PHACTR1: variants seen among roughly 807,000 people sequenced by gnomAD.
PHACTR1 encodes phosphatase and actin regulator 1.
A neutral mutation model predicts 69.2 loss-of-function variants in PHACTR1; 16 were observed. The ratio of observed to expected loss-of-function variants is 0.23; its 90% CI spans 0.16 to 0.35. The LOEUF (loss-of-function observed/expected upper bound fraction) is 0.35, where lower values mean the gene tolerates loss of function less well. PHACTR1 is among the 10% of genes least tolerant of loss of function. The pLI is 1.00. For synonymous variants in PHACTR1, 312 were observed against 284.5 expected (o/e 1.10, Z -0.97); for missense variants, 510 against 734.7 (o/e 0.69, Z 3.54).
At chr6:13,114,380 A>G (rs758330905) in intron 5 of PHACTR1, among the ~76,000 whole-genome samples, 12 of 152,180 alleles carry the variant, frequency 7.9e-5, no homozygotes, top group Admixed American at 2.6e-4. Context: ...GGAATAATGG[A>G]TAGTCTCTCC....
intron 5 of PHACTR1, among the ~76,000 whole-genome samples, chr6:13,095,806 T>C (rs1814141412): frequency 7.9e-6 from 1 of 127,344 alleles, no homozygotes; most frequent in Non-Finnish European, 1.6e-5. Flanking sequence ...TAAAGCTTAC[T>C]GGGTAACCTA....
chr6:12,979,827 A>T (rs1443832225), intron 4 of PHACTR1, among the ~76,000 whole-genome samples: 1 of 152,008 alleles, frequency 6.6e-6, no homozygotes, highest in African/African-American at 2.4e-5. Context: ...TCTGGAACAA[A>T]ATCAAACGCT....
At chr6:13,252,430 T>C (rs1774601743) in intron 10 of PHACTR1, among the ~76,000 whole-genome samples, 1 of 152,098 alleles carries the variant, frequency 6.6e-6, no homozygotes, top group Non-Finnish European at 1.5e-5. Flanking sequence ...CCATTTTCCA[T>C]TCTTTTCCTT....
At chr6:12,801,487 C>T (rs772753130) in intron 4 of PHACTR1, among the ~76,000 whole-genome samples, 29 of 152,092 alleles carry the variant, frequency 1.9e-4, no homozygotes, top group Non-Finnish European at 4.0e-4. Context: ...TATAAGGGTT[C>T]ACACATAAGA....
At chr6:13,045,541 C>T (rs1037195315) in intron 4 of PHACTR1, among the ~76,000 whole-genome samples, 1 of 152,216 alleles carries the variant, frequency 6.6e-6, no homozygotes, top group African/African-American at 2.4e-5. Flanking sequence ...GATTCCAAAA[C>T]CAGTAGAGCC....
intron 4 of PHACTR1, among the ~76,000 whole-genome samples, chr6:12,818,170 G>A (rs1173062216): frequency 6.6e-6 from 1 of 152,118 alleles, no homozygotes; most frequent in Non-Finnish European, 1.5e-5. Flanking sequence ...GTTAGTGTTT[G>A]CTACGTAACA....
intron 5 of PHACTR1, among the ~76,000 whole-genome samples, chr6:13,140,360 A>G (rs1276795558): frequency 6.6e-6 from 1 of 152,228 alleles, no homozygotes; most frequent in Non-Finnish European, 1.5e-5. Context: ...ATTGTTCACC[A>G]AAGCCAAGAG....
At chr6:12,913,386 CAGTT>C (rs1378251632) in intron 4 of PHACTR1, among the ~76,000 whole-genome samples, 1 of 152,224 alleles carries the variant, frequency 6.6e-6, no homozygotes, top group African/African-American at 2.4e-5. Context: ...AGCCATATGA[CAGTT>C]AGGCACTGGG....
intron 4 of PHACTR1, among the ~76,000 whole-genome samples, chr6:13,052,427 T>C (rs538373110): frequency 3.1e-4 from 47 of 152,338 alleles, no homozygotes; most frequent in African/African-American, 1.1e-3. Context: ...TCAGATATCA[T>C]TTTGCTTTCT....
intron 4 of PHACTR1, among the ~76,000 whole-genome samples, chr6:13,027,263 T>C (rs1413301130): frequency 1.3e-5 from 2 of 152,198 alleles, no homozygotes; most frequent in Non-Finnish European, 2.9e-5. Context: ...TTCTTTGTCC[T>C]GCAAAAGTTT....
At chr6:12,998,717 G>A (rs983404781) in intron 4 of PHACTR1, among the ~76,000 whole-genome samples, 1 of 151,270 alleles carries the variant, frequency 6.6e-6, no homozygotes, top group Non-Finnish European at 1.5e-5. Flanking sequence ...ATATGACAAA[G>A]GACTCACAAA....
intron 6 of PHACTR1, among the ~76,000 whole-genome samples, chr6:13,178,890 G>A (rs573538859): frequency 6.6e-6 from 1 of 152,264 alleles, no homozygotes; most frequent in Non-Finnish European, 1.5e-5. Flanking sequence ...TTCTTCCTGG[G>A]GAGAATTTTT....
intron 4 of PHACTR1, among the ~76,000 whole-genome samples, chr6:12,952,615 G>T (rs1262995911): frequency 6.6e-6 from 1 of 152,014 alleles, no homozygotes; most frequent in African/African-American, 2.4e-5. Context: ...TTATGCATAC[G>T]CCTCCTGAAG....
chr6:12,769,913 C>A (rs1220056098), intron 4 of PHACTR1, among the ~76,000 whole-genome samples: 1 of 152,240 alleles, frequency 6.6e-6, no homozygotes, highest in African/African-American at 2.4e-5. Flanking sequence ...ATAGTTCAGG[C>A]TGTGTTTGGG....
In PHACTR1 at chr6:13,007,303, A is replaced by T. The variant is rs115126863; in HGVS notation, c.251-46062A>T. Among the ~76,000 whole-genome samples the T allele has an allele frequency of 7.3e-3, 1,119 of 152,322 alleles. 15 individuals are homozygous for T. Among genetic ancestry groups the T allele is most frequent in the African/African-American group, 0.026 (1,087 of 41,560 alleles). ...TGTCTAAATCTGCCAAAAAGAAGAA[A>T]ACATAAGGCTATGTTTATCAGTCTA... On this transcript the variant is annotated intron_variant, in intron 4 of 14. Transcript: ENST00000332995.
intron 11 of PHACTR1, chr6:13,276,081 G>T (rs1778831357): frequency 6.6e-6 from 1 of 151,202 alleles, no homozygotes; most frequent in Non-Finnish European, 1.5e-5. Context: ...GCTATTAATG[G>T]CTGACTAGTT....
chr6:12,904,727 G>A (rs1785545260), intron 4 of PHACTR1, among the ~76,000 whole-genome samples: 1 of 152,084 alleles, frequency 6.6e-6, no homozygotes, highest in African/African-American at 2.4e-5. Context: ...CCCGGACTCA[G>A]TCTAGCACAA....
intron 4 of PHACTR1, among the ~76,000 whole-genome samples, chr6:12,883,368 C>G (rs1227653116): frequency 6.6e-6 from 1 of 152,052 alleles, no homozygotes; most frequent in African/African-American, 2.4e-5. Context: ...GTGCCCGCCA[C>G]CACGCCCAGC....
At chr6:13,110,343 C>T (rs985326169) in intron 5 of PHACTR1, among the ~76,000 whole-genome samples, 2 of 152,170 alleles carry the variant, frequency 1.3e-5, no homozygotes, top group African/African-American at 2.4e-5. Flanking sequence ...TTCCTCTATG[C>T]GTAGTTTAAC....
Sources: gnomAD v4.1 joint callset for allele counts (sites outside exome capture counted in the v4.1 genomes callset) on GRCh38, gnomAD v4.1.1 for gene constraint, MANE v1.5 for transcripts, NCBI Gene and HGNC (gene_info 2026-07-23, HGNC 2026-07-21) for gene names.